The following RGS7 variants were observed in gnomAD, a reference collection of about 807,000 sequenced individuals.
RGS7 encodes the protein regulator of G-protein signaling 7.
A neutral mutation model predicts 81.1 loss-of-function variants in RGS7; 27 were observed. That is an observed-to-expected ratio of 0.33 (90% CI 0.25 to 0.46). RGS7 has a LOEUF of 0.46. RGS7 is among the 20% of genes least tolerant of loss of function. The pLI, the probability that RGS7 is intolerant of heterozygous loss-of-function variation, is 1.00. For synonymous variants in RGS7, 208 were observed against 207.7 expected, an observed-to-expected ratio of 1.00 and a Z score of -0.01; for missense variants, 396 against 607.4, an observed-to-expected ratio of 0.65 and a Z score of 3.66.
intron 2 of RGS7, among the ~76,000 whole-genome samples, chr1:241,240,935 T>A (rs1022076312): frequency 5.9e-5 from 9 of 152,276 alleles, no homozygotes; most frequent in African/African-American, 1.4e-4. Flanking sequence ...GACATCAAGA[T>A]GCCTTTAGGT....
intron 3 of RGS7, among the ~76,000 whole-genome samples, chr1:241,022,154 C>A (rs186429374): frequency 2.0e-5 from 3 of 152,124 alleles, no homozygotes; most frequent in Admixed American, 6.5e-5. Context: ...ATTAGGTAGG[C>A]CTTTTCAATC....
intron 2 of RGS7, among the ~76,000 whole-genome samples, chr1:241,169,815 C>T (rs555935607): frequency 1.6e-4 from 25 of 152,194 alleles, no homozygotes; most frequent in African/African-American, 5.3e-4. Flanking sequence ...TGTAAGAAAT[C>T]GATTATGTTT....
At chr1:241,179,319 G>GA (rs1469961996) in intron 2 of RGS7, among the ~76,000 whole-genome samples, 4 of 152,142 alleles carry the variant, frequency 2.6e-5, no homozygotes, top group African/African-American at 9.7e-5. Context: ...GGCTGGTCTC[G>GA]AACTCCTGAC....
At chr1:241,199,576 T>C (rs892250523) in intron 2 of RGS7, among the ~76,000 whole-genome samples, 4 of 151,114 alleles carry the variant, frequency 2.6e-5, no homozygotes, top group African/African-American at 7.3e-5. Flanking sequence ...GTACAAGAGG[T>C]CCTAGTCAAT....
chr1:241,021,927 T>C (rs2059556880), intron 3 of RGS7, among the ~76,000 whole-genome samples: 1 of 152,176 alleles, frequency 6.6e-6, no homozygotes, highest in African/African-American at 2.4e-5. Context: ...GTTGAACACC[T>C]GGCCCATCTA....
intron 3 of RGS7, among the ~76,000 whole-genome samples, chr1:241,060,415 A>T (rs570990958): frequency 1.3e-5 from 2 of 152,326 alleles, no homozygotes; most frequent in African/African-American, 4.8e-5. Context: ...GCTCTTACTG[A>T]AAAAAATGAA....
rs1406784532 is a variant in RGS7, at chr1:241,164,112, T to C, written c.79-65350A>G. ...GAACCTAGGGAACACTTATGCTTAC[T>C]GGTTTATTATAAAGGATATTACAAA... On this transcript the variant is annotated intron_variant, in intron 2 of 18. Coordinates refer to ENST00000440928, the MANE Select transcript of RGS7 (RefSeq NM_001364886.1). This position sits in a 1 kb window ranked among gnomAD's most constrained non-coding sequence, Gnocchi z 4.1. 6.6e-6 allele frequency among the ~76,000 whole-genome samples: 1 copy of C among 152,126 alleles called. No individual in the cohort carries two copies. Among genetic ancestry groups the C allele is most frequent in the Non-Finnish European group, 1.5e-5 (1 of 68,026 alleles).
At chr1:241,263,223 C>G (rs4660050) in intron 2 of RGS7, among the ~76,000 whole-genome samples, 112,685 of 151,972 alleles carry the variant, frequency 0.74, 41,838 homozygotes, top group Admixed American at 0.83. Context: ...GTTGCAGTGA[C>G]CCGAGATCTC....
intron 3 of RGS7, among the ~76,000 whole-genome samples, chr1:241,047,659 G>A (rs1050387592): frequency 4.0e-5 from 6 of 150,076 alleles, no homozygotes; most frequent in Non-Finnish European, 5.9e-5. Context: ...AAGTAAACAC[G>A]ATACACTTGA....
At chr1:241,165,115 C>G (rs1459619058) in intron 2 of RGS7, among the ~76,000 whole-genome samples, 1 of 152,200 alleles carries the variant, frequency 6.6e-6, no homozygotes. Context: ...GAGATGGGAA[C>G]TAAATTGGTA....
At chr1:241,182,843 T>TTGTTTG (rs1462811741) in intron 2 of RGS7, among the ~76,000 whole-genome samples, 1 of 151,840 alleles carries the variant, frequency 6.6e-6, no homozygotes, top group East Asian at 1.9e-4. Flanking sequence ...GTTTGTTTGT[T>TTGTTTG]TGTTTGTTTT....
intron 6 of RGS7, among the ~76,000 whole-genome samples, chr1:240,876,471 A>C (rs4660011): frequency 0.58 from 88,351 of 151,946 alleles, 26,057 homozygotes; most frequent in South Asian, 0.68. Context: ...ATCTTGACCC[A>C]CTTAACACTT....
At chr1:241,173,431 G>A (rs1275550662) in intron 2 of RGS7, among the ~76,000 whole-genome samples, 3 of 152,178 alleles carry the variant, frequency 2.0e-5, no homozygotes, top group African/African-American at 7.2e-5. Flanking sequence ...CATATAGAAA[G>A]CATGATTGAT....
chr1:240,819,973 A>T (rs577405249), intron 10 of RGS7, among the ~76,000 whole-genome samples: 1 of 152,256 alleles, frequency 6.6e-6, no homozygotes, highest in Non-Finnish European at 1.5e-5. Flanking sequence ...GTTGGCTACA[A>T]TGAAAACAGC....
chr1:241,348,914 C>T (rs539910463), intron 2 of RGS7, among the ~76,000 whole-genome samples: 93 of 152,214 alleles, frequency 6.1e-4, no homozygotes, highest in Admixed American at 1.4e-3. Context: ...ATTCACTTTT[C>T]TTTCATTATC....
chr1:240,794,928 A>AGGC (rs1289279714), intron 18 of RGS7, among the ~76,000 whole-genome samples: 2,952 of 152,258 alleles, frequency 0.019, 98 homozygotes, highest in African/African-American at 0.067. Context: ...CATGCTTGTA[A>AGGC]TCCCAGCACT....
intron 4 of RGS7, among the ~76,000 whole-genome samples, chr1:240,967,991 A>G (rs546408735): frequency 1.1e-4 from 16 of 152,276 alleles, no homozygotes; most frequent in Admixed American, 1.0e-3. Context: ...AACATCTACC[A>G]ACCAATATCC....
chr1:241,194,779 G>A (rs955090196), intron 2 of RGS7, among the ~76,000 whole-genome samples: 2 of 152,182 alleles, frequency 1.3e-5, no homozygotes, highest in Admixed American at 6.5e-5. Flanking sequence ...TCTGACAGAG[G>A]CAAGCCAAGA....
chr1:241,171,027 T>C (rs900723907), intron 2 of RGS7, among the ~76,000 whole-genome samples: 6 of 152,204 alleles, frequency 3.9e-5, no homozygotes, highest in Non-Finnish European at 8.8e-5. Context: ...CTATAAACTT[T>C]AATCATCAGG....
Sources: gnomAD v4.1 joint callset for allele counts (sites outside exome capture counted in the v4.1 genomes callset) on GRCh38, gnomAD v4.1.1 for gene constraint, Gnocchi (gnomAD v3.1) non-coding constraint, MANE v1.5 for transcripts, NCBI Gene and HGNC (gene_info 2026-07-23, HGNC 2026-07-21) for gene names.